ARHGAP6: variants seen among roughly 807,000 people sequenced by gnomAD.
ARHGAP6 encodes the protein rho GTPase-activating protein 6.
In ARHGAP6, 16 loss-of-function variants were observed where a neutral mutation model predicts 55.7. The observed-to-expected ratio is 0.29, with a 90% CI of 0.19 to 0.44. The LOEUF is 0.44. Among genes scored for constraint, ARHGAP6 ranks in the 20% least tolerant of loss-of-function variants. ARHGAP6 has a pLI of 1.00. For missense variants in ARHGAP6, 698 were observed against 808.9 expected (o/e 0.86, Z 1.66); for synonymous variants, 382 against 360.9 (o/e 1.06, Z -0.66).
intron 1 of ARHGAP6, among the ~76,000 whole-genome samples, chrX:11,508,453 A>C (rs1468403261): frequency 8.9e-6 from 1 of 111,835 alleles, no homozygotes; most frequent in Non-Finnish European, 1.9e-5. Context: ...GGGAGAAAAG[A>C]AATAGCTGTA....
intron 1 of ARHGAP6, among the ~76,000 whole-genome samples, chrX:11,491,334 G>C (rs2050564842): frequency 9.0e-6 from 1 of 110,756 alleles, no homozygotes; most frequent in Non-Finnish European, 1.9e-5. Flanking sequence ...TTTAGCATTA[G>C]GTATATCTCC....
At chrX:11,179,580 A>C (rs1039972893) in intron 6 of ARHGAP6, 128 bp from the exon 7 acceptor site, 2 of 774,120 alleles carry the variant, frequency 2.6e-6, no homozygotes, top group African/African-American at 2.1e-5. Context: ...AAGGGGAAGC[A>C]AACAACATCC....
intron 1 of ARHGAP6, among the ~76,000 whole-genome samples, chrX:11,611,881 T>C (rs1183577244): frequency 9.4e-6 from 1 of 106,839 alleles, no homozygotes; most frequent in Non-Finnish European, 1.9e-5. Context: ...GACTATAATA[T>C]GCCAAGCATA....
chrX:11,665,314 C>T lies in ARHGAP6; in HGVS notation c.-486G>A, dbSNP rs1355025071. The T allele has an allele frequency of 4.4e-5, 5 of 113,875 alleles. No individual in the cohort carries two copies. Among genetic ancestry groups the T allele is most frequent in the African/African-American group, 1.6e-4 (5 of 31,163 alleles). The allele number at this position is 113,875 out of a possible 1,213,427, so 9.4% of individuals were successfully genotyped here. ...GGGAGAAGGCTGCCTGGGCGTGCGC[C>T]CAGGGCGCGTCCACCGCGCTCCCGG... On this transcript the variant is annotated 5_prime_UTR_variant, in exon 1 of 13. Transcript: ENST00000337414.
At chrX:11,551,813 A>T (rs1445919572) in intron 1 of ARHGAP6, among the ~76,000 whole-genome samples, 1 of 111,793 alleles carries the variant, frequency 8.9e-6, no homozygotes, top group African/African-American at 3.3e-5. Context: ...GATTGCCAGC[A>T]AACCATTAAA....
At chrX:11,155,845 T>C (rs139659746) in intron 10 of ARHGAP6, among the ~76,000 whole-genome samples, 1,241 of 112,369 alleles carry the variant, frequency 0.011, 24 homozygotes, top group African/African-American at 0.037. Flanking sequence ...CCCCACACCC[T>C]CTGCCTCTGC....
intron 1 of ARHGAP6, among the ~76,000 whole-genome samples, chrX:11,617,889 G>C (rs756711609): frequency 1.8e-5 from 2 of 111,303 alleles, no homozygotes; most frequent in Admixed American, 9.6e-5. Flanking sequence ...TGAGCCTTTT[G>C]TGGTTGACCC....
At chrX:11,405,108 C>A (rs1416634122) in intron 1 of ARHGAP6, among the ~76,000 whole-genome samples, 1 of 111,815 alleles carries the variant, frequency 8.9e-6, no homozygotes, top group Non-Finnish European at 1.9e-5. Flanking sequence ...GCCCCTCCAG[C>A]AAACGTTAGA....
intron 1 of ARHGAP6, among the ~76,000 whole-genome samples, chrX:11,538,278 T>C (rs2051123406): frequency 8.9e-6 from 1 of 112,477 alleles, no homozygotes; most frequent in Admixed American, 9.4e-5. Flanking sequence ...GTCATTTCCA[T>C]CTTCTAATCT....
chrX:11,253,065 G>A (rs1049002400), intron 2 of ARHGAP6, among the ~76,000 whole-genome samples: 2 of 111,644 alleles, frequency 1.8e-5, no homozygotes, highest in Non-Finnish European at 3.8e-5. Context: ...ATGTATGTGT[G>A]TACAGCAAGG....
At chrX:11,305,479 G>A (rs2147589388) in intron 1 of ARHGAP6, among the ~76,000 whole-genome samples, 1 of 112,416 alleles carries the variant, frequency 8.9e-6, no homozygotes, top group African/African-American at 3.2e-5. Context: ...TTTCTTGGGA[G>A]GTTACAAGAA....
intron 1 of ARHGAP6, among the ~76,000 whole-genome samples, chrX:11,341,012 G>A (rs1056700394): frequency 1.1e-5 from 1 of 93,447 alleles, no homozygotes; most frequent in Admixed American, 1.2e-4. Flanking sequence ...GAGCCTGAGG[G>A]TGAAAAGAGG....
intron 1 of ARHGAP6, among the ~76,000 whole-genome samples, chrX:11,293,836 A>C (rs1277680354): frequency 8.9e-6 from 1 of 112,315 alleles, no homozygotes; most frequent in Non-Finnish European, 1.9e-5. Flanking sequence ...TTTCTCATTA[A>C]CCCAAACAAA....
intron 9 of ARHGAP6, among the ~76,000 whole-genome samples, chrX:11,164,155 A>ATATT (rs2045985847): frequency 8.9e-6 from 1 of 112,458 alleles, no homozygotes; most frequent in Non-Finnish European, 1.9e-5. Context: ...TGGCTAAAAC[A>ATATT]TATTTTCTTG....
At chrX:11,360,417 C>T (rs2048994056) in intron 1 of ARHGAP6, among the ~76,000 whole-genome samples, 1 of 109,915 alleles carries the variant, frequency 9.1e-6, no homozygotes, top group South Asian at 3.9e-4. Flanking sequence ...ACATGATTAT[C>T]TCAATAGATG....
At chrX:11,459,626 G>T (rs1053637815) in intron 1 of ARHGAP6, among the ~76,000 whole-genome samples, 3 of 111,920 alleles carry the variant, frequency 2.7e-5, no homozygotes, top group African/African-American at 9.7e-5. Context: ...CACTTGAAAT[G>T]GATGCAGTTT....
intron 1 of ARHGAP6, among the ~76,000 whole-genome samples, chrX:11,643,588 T>C (rs2052497449): frequency 8.9e-6 from 1 of 112,132 alleles, no homozygotes; most frequent in Non-Finnish European, 1.9e-5. Flanking sequence ...TCTCTTTTTA[T>C]ACTGCACTCA....
chrX:11,384,554 A>G (rs752082817), intron 1 of ARHGAP6, among the ~76,000 whole-genome samples: 1 of 112,480 alleles, frequency 8.9e-6, no homozygotes, highest in East Asian at 2.8e-4. Flanking sequence ...GAACCCAAAC[A>G]CATGCTTGTC....
chrX:11,271,040 C>T (rs1168194530), intron 1 of ARHGAP6, among the ~76,000 whole-genome samples: 1 of 111,663 alleles, frequency 9.0e-6, no homozygotes, highest in African/African-American at 3.3e-5. Flanking sequence ...TAGTGAGGAA[C>T]GCTGAGTTAT....
Sources: gnomAD v4.1 joint callset for allele counts (sites outside exome capture counted in the v4.1 genomes callset) on GRCh38, gnomAD v4.1.1 for gene constraint, MANE v1.5 for transcripts, NCBI Gene and HGNC (gene_info 2026-07-23, HGNC 2026-07-21) for gene names.